Variants in CCDC146 observed in about 807,000 individuals in gnomAD.
CCDC146 encodes the protein coiled-coil domain containing 146.
CCDC146 carries 92 observed loss-of-function variants against 119.3 expected under a neutral mutation model. The observed-to-expected ratio is 0.77, with a 90% CI of 0.65 to 0.92. The LOEUF is 0.92. Ranked by LOEUF, CCDC146 falls within the 40% of genes least tolerant of loss-of-function variation. The probability of loss-of-function intolerance (pLI) is 0.00; values close to 1 mark genes in which losing one functional copy is unlikely to be tolerated. For missense variants in CCDC146, 1,000 were observed against 1,103.0 expected, an observed-to-expected ratio of 0.91 and a Z score of 1.32; for synonymous variants, 372 against 371.8, an observed-to-expected ratio of 1.00 and a Z score of -0.01.
At chr7:77,208,208 C>T (rs1391030111) in intron 2 of CCDC146, among the ~76,000 whole-genome samples, 1 of 152,182 alleles carries the variant, frequency 6.6e-6, no homozygotes, top group African/African-American at 2.4e-5. Context: ...CTTTTAGAGT[C>T]ATTAATTCCA....
intron 2 of CCDC146, among the ~76,000 whole-genome samples, chr7:77,226,794 C>A (rs1419020170): frequency 6.6e-6 from 1 of 152,158 alleles, no homozygotes; most frequent in Non-Finnish European, 1.5e-5. Flanking sequence ...TTGTATCATG[C>A]AATGTGAAAA....
chr7:77,276,938 G>C (rs1405164450), intron 11 of CCDC146, among the ~76,000 whole-genome samples: 1 of 152,188 alleles, frequency 6.6e-6, no homozygotes, highest in African/African-American at 2.4e-5. Flanking sequence ...CTGGCGTGGT[G>C]GTGGGCACCT....
chr7:77,177,816 C>G (rs1791522781), intron 2 of CCDC146, among the ~76,000 whole-genome samples: 1 of 152,152 alleles, frequency 6.6e-6, no homozygotes, highest in African/African-American at 2.4e-5. Context: ...CATCCAGGCA[C>G]CCTTGCAAGA....
Position 77,199,019 on chromosome 7 carries a change from T to C in CCDC146, c.156+31195T>C, listed in dbSNP as rs1791927969. The C allele has an allele frequency of 6.3e-6, 4 of 635,396 alleles. No individual in the cohort carries two copies. In the Admixed American group the frequency reaches 1.2e-4, roughly 19 times the overall value. The allele number at this position is 635,396 out of a possible 1,614,324, so 39.4% of individuals were successfully genotyped here. ...TTTTTGTAATTAGGTCATATTTATG[T>C]GGTCATATTTGAGAAGATATTTATT... On this transcript the variant is annotated intron_variant, in intron 2 of 18. Transcript: ENST00000285871.
chr7:77,151,076 A>G (rs1435464815), intron 1 of CCDC146, among the ~76,000 whole-genome samples: 1 of 152,232 alleles, frequency 6.6e-6, no homozygotes, highest in African/African-American at 2.4e-5. Context: ...GGGTGCCAAC[A>G]TAGTCACCTT....
intron 2 of CCDC146, among the ~76,000 whole-genome samples, chr7:77,185,938 C>T (rs1424382550): frequency 3.3e-5 from 5 of 152,218 alleles, no homozygotes; most frequent in African/African-American, 1.2e-4. Context: ...AAAACTCCAA[C>T]GAGATATCAT....
chr7:77,171,369 A>G (rs1219710883), intron 2 of CCDC146, among the ~76,000 whole-genome samples: 1 of 152,238 alleles, frequency 6.6e-6, no homozygotes, highest in Admixed American at 6.5e-5. Context: ...CACCAGAGTC[A>G]TATAAATAAG....
At chr7:77,158,917 CT>C (rs1202523303) in intron 1 of CCDC146, among the ~76,000 whole-genome samples, 1 of 152,092 alleles carries the variant, frequency 6.6e-6, no homozygotes, top group Non-Finnish European at 1.5e-5. Context: ...TTCACACAGA[CT>C]TTTTTATATT....
intron 2 of CCDC146, among the ~76,000 whole-genome samples, chr7:77,229,636 G>A (rs542302076): frequency 2.6e-5 from 4 of 152,040 alleles, no homozygotes; most frequent in Non-Finnish European, 4.4e-5. Context: ...GTAGGTGTGC[G>A]GTCTAGGCTA....
In CCDC146 at chr7:77,286,811, C is replaced by G. The variant is rs764676534; in HGVS notation, c.2162C>G (p.Thr721Arg). 1 of 1,613,568 alleles carries G rather than the reference C, an allele frequency of 6.2e-7. No homozygotes were observed. The highest frequency in any genetic ancestry group is 2.2e-5 in the East Asian group (1 of 44,866). The change falls in exon 16 of 19, where the codon ACA becomes AGA. Residue 721 changes from threonine (T) to arginine (R), a missense_variant. By Grantham distance (71) the Thr-to-Arg change is moderately conservative. Coordinates refer to ENST00000285871, the MANE Select transcript of CCDC146 (RefSeq NM_020879.3). The stretch of plus-strand genomic sequence containing the variant: ...TTTTCTTAATAGTTTTCACAGTGTA[C>G]AGACAGAATTAAAGACCTGGAGAAA... ...AVLQIQFSQC[T>R]DRIKDLEKQF...
intron 5 of CCDC146, chr7:77,255,319 T>C (rs111783290): frequency 2.0e-5 from 3 of 152,300 alleles, no homozygotes; most frequent in African/African-American, 4.8e-5. Context: ...CAAAGGGACA[T>C]GCATACCCTG....
intron 4 of CCDC146, among the ~76,000 whole-genome samples, chr7:77,244,002 T>C (rs3108411): frequency 0.83 from 126,814 of 152,130 alleles, 53,154 homozygotes; most frequent in Non-Finnish European, 0.87. Context: ...CTCAGCCTCC[T>C]GAGTAGCTGG....
chr7:77,148,486 C>T (rs148737874), intron 1 of CCDC146, among the ~76,000 whole-genome samples: 1,668 of 152,154 alleles, frequency 0.011, 23 homozygotes, highest in African/African-American at 0.038. Flanking sequence ...AGAAATCACC[C>T]GTCTTCTGCG....
At chr7:77,286,593 A>G (rs1793852245) in intron 15 of CCDC146, among the ~76,000 whole-genome samples, 1 of 152,152 alleles carries the variant, frequency 6.6e-6, no homozygotes, top group Non-Finnish European at 1.5e-5. Context: ...TGATCGAATT[A>G]TAGACATCAT....
chr7:77,280,474 C>G lies in CCDC146; in HGVS notation c.1740C>G (p.Ile580Met). The change falls in exon 14 of 19, where the codon ATC (isoleucine) becomes ATG (methionine). Residue 580 changes from isoleucine to methionine, a missense_variant. Transcript: ENST00000285871. The stretch of plus-strand genomic sequence containing the variant: ...TGAAACACGCCAACAATGTTACCAT[C>G]AGAGAGAGCATGCAAAACGATGTGC... ...SMLKHANNVT[I>M]RESMQNDVRK... 1 of 1,614,078 alleles carries G rather than the reference C, an allele frequency of 6.2e-7. No individual in the cohort carries two copies. The highest frequency in any genetic ancestry group is 1.1e-5 in the South Asian group (1 of 91,050).
At chr7:77,188,695 G>A (rs1791710530) in intron 2 of CCDC146, among the ~76,000 whole-genome samples, 1 of 152,120 alleles carries the variant, frequency 6.6e-6, no homozygotes, top group South Asian at 2.1e-4. Flanking sequence ...TAAGTTAAAA[G>A]TTTTGTAGAA....
At chr7:77,291,478 G>T (rs982368064) in intron 17 of CCDC146, among the ~76,000 whole-genome samples, 4 of 152,062 alleles carry the variant, frequency 2.6e-5, no homozygotes, top group African/African-American at 9.7e-5. Context: ...GCCATGGCGG[G>T]TAGATTGCGT....
At position 77,177,993 on chromosome 7, in the gene CCDC146, T is replaced by C. The variant is rs543364731; in HGVS notation, c.156+10169T>C. 2.0e-4 allele frequency among the ~76,000 whole-genome samples: 30 copies of C among 152,366 alleles called. No homozygotes were observed. In the South Asian group the frequency reaches 4.1e-3, roughly 21 times the overall value. On this transcript the variant is annotated intron_variant, in intron 2 of 18. Coordinates refer to ENST00000285871, the MANE Select transcript of CCDC146 (RefSeq NM_020879.3). ...TTTTCCAGTATGGAAGAAGACCTTG[T>C]AATGCACTTAAATATTTGAGATATC...
At chr7:77,158,848 A>T (rs1791215285) in intron 1 of CCDC146, among the ~76,000 whole-genome samples, 2 of 152,166 alleles carry the variant, frequency 1.3e-5, no homozygotes, top group South Asian at 4.1e-4. Context: ...AAACTTTGTT[A>T]TCTGGTTAAG....
Sources: allele counts gnomAD v4.1 joint callset (sites outside exome capture counted in the v4.1 genomes callset), GRCh38; gene constraint gnomAD v4.1.1; transcripts MANE v1.5; gene names NCBI Gene and HGNC (gene_info 2026-07-23, HGNC 2026-07-21).